SUPT6H: variants seen among roughly 807,000 people sequenced by gnomAD.
SUPT6H encodes SPT6 homolog, histone chaperone and transcription elongation factor.
In SUPT6H, 11 loss-of-function variants were observed where a neutral mutation model predicts 222.3. The ratio of observed to expected loss-of-function variants is 0.05; its 90% CI spans 0.03 to 0.08. The LOEUF (loss-of-function observed/expected upper bound fraction) is 0.08, where lower values mean the gene tolerates loss of function less well. Among genes scored for constraint, SUPT6H ranks in the 10% least tolerant of loss-of-function variants. The pLI is 1.00. For synonymous variants in SUPT6H, 762 were observed against 801.2 expected (o/e 0.95, Z 0.83); for missense variants, 1,422 against 2,216.0 (o/e 0.64, Z 7.19).
intron 30 of SUPT6H, 56 bp from the exon 31 acceptor site, chr17:28,697,564 G>C: frequency 6.9e-7 from 1 of 1,451,552 alleles, no homozygotes; most frequent in Non-Finnish European, 9.6e-7. Flanking sequence ...GGATGGATTT[G>C]ATCAAGAATC....
Position 28,700,880 on chromosome 17 carries a change from T to C in SUPT6H, c.4807-61T>C, listed in dbSNP as rs1352553556. ...AGCCCACCCTTGCGCTTACCCAGAA[T>C]TCACAGCAAGGCCAAACAAGCCCCA... On this transcript the variant is annotated intron_variant, in intron 35 of 36. Coordinates refer to ENST00000314616, the MANE Select transcript of SUPT6H (RefSeq NM_003170.5). 1.9e-6 allele frequency: 3 copies of C among 1,547,496 alleles called. No individual in the cohort carries two copies. The South Asian group carries it at 3.6e-5, about 19-fold the overall frequency.
chr17:28,663,398 T>C (rs1369777844), intron 1 of SUPT6H, among the ~76,000 whole-genome samples: 1 of 152,072 alleles, frequency 6.6e-6, no homozygotes, highest in Non-Finnish European at 1.5e-5. Flanking sequence ...CTCTAGGAGG[T>C]TTTAACTTCA....
intron 12 of SUPT6H, 136 bp from the exon 13 acceptor site, chr17:28,681,746 C>T (rs1389388856): frequency 4.1e-6 from 3 of 729,902 alleles, no homozygotes; most frequent in Non-Finnish European, 6.6e-6. Context: ...AAAGAAAACC[C>T]AGGAGACTTG....
At chr17:28,670,180 A>C (rs999192654) in intron 1 of SUPT6H, 13 of 152,370 alleles carry the variant, frequency 8.5e-5, no homozygotes, top group Admixed American at 8.5e-4. Context: ...AGAGTCAGAC[A>C]GACCTCAGCA....
At chr17:28,683,495 C>G in intron 16 of SUPT6H, 73 bp downstream of exon 16, 3 of 1,595,072 alleles carry the variant, frequency 1.9e-6, no homozygotes, top group South Asian at 2.3e-5. Flanking sequence ...AAGGGCCCCT[C>G]AGGAGTGGGG....
intron 1 of SUPT6H, among the ~76,000 whole-genome samples, chr17:28,663,150 G>A (rs960387987): frequency 6.6e-6 from 1 of 152,198 alleles, no homozygotes; most frequent in Non-Finnish European, 1.5e-5. Flanking sequence ...GAGCATTAGG[G>A]AGTGTAAACA....
intron 24 of SUPT6H, 78 bp from the exon 25 acceptor site, chr17:28,689,276 T>C: frequency 7.3e-7 from 1 of 1,371,430 alleles, no homozygotes; most frequent in Non-Finnish European, 1.0e-6. Flanking sequence ...ATTTAACCAG[T>C]TCCCCATTGG....
chr17:28,673,395 T>C lies in SUPT6H; in HGVS notation c.-7T>C, dbSNP rs1401470253. ...GTTATCTTCAGGCAGAGTGAGAAGC[T>C]GCAGCAATGTCTGATTTTGTGGAAA... On this transcript the variant is annotated 5_prime_UTR_variant, in exon 2 of 37. Coordinates refer to ENST00000314616, the MANE Select transcript of SUPT6H (RefSeq NM_003170.5). The C allele has an allele frequency of 6.2e-7, 1 of 1,609,476 alleles. No individual in the cohort carries two copies. Among genetic ancestry groups the C allele is most frequent in the East Asian group, 2.2e-5 (1 of 44,850 alleles).
At chr17:28,693,670 A>C in intron 27 of SUPT6H, 26 bp from the exon 28 acceptor site, 1 of 1,613,800 alleles carries the variant, frequency 6.2e-7, no homozygotes, top group African/African-American at 1.3e-5. Flanking sequence ...TTGATAATCA[A>C]GCTCTTCTCC....
intron 27 of SUPT6H, 143 bp from the exon 28 acceptor site, chr17:28,693,553 C>A: frequency 2.1e-6 from 2 of 969,282 alleles, no homozygotes; most frequent in Non-Finnish European, 3.1e-6. Flanking sequence ...TCTGTCTTGG[C>A]AGATGACTAA....
intron 24 of SUPT6H, 189 bp from the exon 25 acceptor site, chr17:28,689,165 A>G: frequency 1.7e-6 from 1 of 584,090 alleles, no homozygotes; most frequent in Non-Finnish European, 3.0e-6. Context: ...TTTTTCACGT[A>G]TCAATATATT....
At chr17:28,689,991 C>T (rs1325756598) in intron 25 of SUPT6H, 91 bp from the exon 26 acceptor site, 6 of 1,465,750 alleles carry the variant, frequency 4.1e-6, no homozygotes, top group Non-Finnish European at 5.5e-6. Context: ...AACTTACTCC[C>T]ATCTGGAGAG....
chr17:28,691,167 C>A, intron 27 of SUPT6H, 104 bp downstream of exon 27: 1 of 1,391,734 alleles, frequency 7.2e-7, no homozygotes. Context: ...ATTCTCTCAC[C>A]AAACAAGTAC....
In SUPT6H at chr17:28,688,259, GTGGGCTTTGT is replaced by G; in HGVS notation, c.3134+43_3134+52del. ...TGGATGGGGCAGGAGGAATTCCCTT[GTGGGCTTTGT>G]TTTCGGGTTTCAGGGGTTAGGGCTA... is the stretch of plus-strand genomic sequence containing the variant. On this transcript the variant is annotated intron_variant, in intron 24 of 36. Transcript: ENST00000314616. The surrounding 1 kb of genome is among the most constrained non-coding windows in gnomAD (Gnocchi z 4.3). 2 of 1,593,586 alleles carry G rather than the reference GTGGGCTTTGT, an allele frequency of 1.3e-6. No homozygotes were observed. The highest frequency in any genetic ancestry group is 2.2e-5 in the South Asian group (2 of 89,100).
intron 1 of SUPT6H, among the ~76,000 whole-genome samples, chr17:28,666,148 A>T (rs2029996352): frequency 6.6e-6 from 1 of 152,192 alleles, no homozygotes; most frequent in African/African-American, 2.4e-5. Context: ...TCCTCTGCTG[A>T]ACTAATTCCT....
In SUPT6H at chr17:28,688,885, A is replaced by AATAGCT. The variant is rs1180940040; in HGVS notation, c.3135-466_3135-461dup. 1 of 166,726 alleles carries AATAGCT rather than the reference A, an allele frequency of 6.0e-6. No individual in the cohort carries two copies. Among genetic ancestry groups the AATAGCT allele is most frequent in the Non-Finnish European group, 1.3e-5 (1 of 77,444 alleles). The allele number at this position is 166,726 out of a possible 1,614,324, so 10.3% of individuals were successfully genotyped here. On this transcript the variant is annotated intron_variant, in intron 24 of 36. Coordinates refer to ENST00000314616, the MANE Select transcript of SUPT6H (RefSeq NM_003170.5). The surrounding 1 kb of genome is among the most constrained non-coding windows in gnomAD (Gnocchi z 4.3). ...AGCCTGGGAAGGCTTTATGGGGGAA[A>AATAGCT]ATAGCTATCAGCAAATTTTCAAAGG... is the stretch of plus-strand genomic sequence containing the variant.
rs757063704 is a variant in SUPT6H, at chr17:28,684,742, G to T, written c.2369+17G>T. The T allele has an allele frequency of 1.9e-6, 3 of 1,613,894 alleles. No homozygotes were observed. The highest frequency in any genetic ancestry group is 3.3e-5 in the Admixed American group (2 of 59,984). On this transcript the variant is annotated intron_variant, in intron 18 of 36. Transcript: ENST00000314616. ...CTCTGCCAGGTAACAGCCTATTTTT[G>T]CCTCCCCAGCACCATCTCTTGTCTT...
intron 11 of SUPT6H, among the ~76,000 whole-genome samples, chr17:28,680,468 C>A (rs757888529): frequency 6.7e-6 from 1 of 150,180 alleles, no homozygotes; most frequent in Non-Finnish European, 1.5e-5. Flanking sequence ...TGTGGTGGTG[C>A]GTGCCTGTGA....
rs781094171 is a variant in SUPT6H, at chr17:28,677,809, C to G, written c.992C>G (p.Ser331Cys). 6.2e-7 allele frequency: 1 copy of G among 1,613,968 alleles called. No homozygotes were observed. The highest frequency in any genetic ancestry group is 8.5e-7 in the Non-Finnish European group (1 of 1,179,846). ...YRNAFATPTI[S>C]LQESCDYLDR... ...AATGCTTTTGCCACACCAACCATTT[C>G]TCTCCAGGTACACAAAAAAGATCCT... Residue 331 changes from serine (S) to cysteine (C), a missense_variant, in exon 8 of 37, where the codon TCT (serine) becomes TGT (cysteine). Ser to Cys is a moderately radical substitution (Grantham distance 112). Coordinates refer to ENST00000314616, the MANE Select transcript of SUPT6H (RefSeq NM_003170.5).
Sources: gnomAD v4.1 joint callset for allele counts (sites outside exome capture counted in the v4.1 genomes callset) on GRCh38, gnomAD v4.1.1 for gene constraint, Gnocchi (gnomAD v3.1) non-coding constraint, MANE v1.5 for transcripts, NCBI Gene and HGNC (gene_info 2026-07-23, HGNC 2026-07-21) for gene names.